LAMB4: variants seen among roughly 807,000 people sequenced by gnomAD.
LAMB4 encodes laminin subunit beta-4.
A neutral mutation model predicts 199.2 loss-of-function variants in LAMB4; 196 were observed. That is an observed-to-expected ratio of 0.98 (90% CI 0.88 to 1.11). The LOEUF is 1.11. LAMB4 is among the 50% of genes least tolerant of loss of function. The pLI is 0.00. For missense variants in LAMB4, 2,080 were observed against 2,171.2 expected (o/e 0.96, Z 0.83); for synonymous variants, 744 against 770.6 (o/e 0.97, Z 0.57).
intron 25 of LAMB4, among the ~76,000 whole-genome samples, chr7:108,054,896 A>T (rs2150531347): frequency 1.3e-5 from 2 of 152,330 alleles, no homozygotes; most frequent in Admixed American, 1.3e-4. Context: ...AGTAAAAATG[A>T]GCTTGCATTT....
At chr7:108,096,767 CAAAAAAA>C (rs1207456579) in intron 11 of LAMB4, among the ~76,000 whole-genome samples, 2 of 67,542 alleles carry the variant, frequency 3.0e-5, no homozygotes, top group Non-Finnish European at 6.5e-5. Flanking sequence ...CTCCGTCTCT[CAAAAAAA>C]AAAAAAAAAA....
intron 14 of LAMB4, among the ~76,000 whole-genome samples, chr7:108,087,064 A>G (rs940819088): frequency 6.6e-6 from 1 of 152,160 alleles, no homozygotes; most frequent in African/African-American, 2.4e-5. Flanking sequence ...AAGAGAAACA[A>G]GTAGGAGAAA....
chr7:108,016,337 G>A, the LAMB4 span, among the ~76,000 whole-genome samples: 1 of 143,042 alleles, frequency 7.0e-6, no homozygotes, highest in South Asian at 2.2e-4. Flanking sequence ...AGGCTGGAGT[G>A]GAGTGCTGCG....
chr7:108,080,294 T>C (rs1337038451), intron 14 of LAMB4, among the ~76,000 whole-genome samples: 1 of 152,182 alleles, frequency 6.6e-6, no homozygotes, highest in Non-Finnish European at 1.5e-5. Flanking sequence ...ACTCCTAACA[T>C]GATTAATTAG....
In LAMB4 at chr7:108,048,063, C is replaced by T. The variant is rs772653037; in HGVS notation, c.4171G>A (p.Gly1391Ser). The T allele has an allele frequency of 1.2e-5, 20 of 1,613,988 alleles. No individual in the cohort carries two copies. The highest frequency in any genetic ancestry group is 2.2e-5 in the East Asian group (1 of 44,898). The change falls in exon 28 of 34, where the codon GGT becomes AGT. Residue 1391 changes from glycine (G) to serine (S), a missense_variant. Coordinates refer to ENST00000388781, the MANE Select transcript of LAMB4 (RefSeq NM_007356.3). Reference sequence around the variant, plus strand: ...CCCTTCCGGCCCGTGCAGAGAGCACCGCCACAGGGCAAGGGCACACATGGC... The same window carrying T: ...CCCTTCCGGCCCGTGCAGAGAGCACTGCCACAGGGCAAGGGCACACATGGC... ...NVPCVPLPCGGALCTGRKGHR... is the reference protein window; with the variant it reads ...NVPCVPLPCGSALCTGRKGHR...
In LAMB4 at chr7:108,028,330, C is replaced by A. The variant is rs573470261; in HGVS notation, c.5146+713G>T. Among the ~76,000 whole-genome samples, 7 of 152,264 alleles carry A rather than the reference C, an allele frequency of 4.6e-5. No homozygotes were observed. The East Asian group carries it at 1.2e-3, about 25-fold the overall frequency. On this transcript the variant is annotated intron_variant, in intron 33 of 33. Transcript: ENST00000388781. ...TGGGCGGGACAATTGTTTGCTTAGG[C>A]AGTTGCCTTGTGCATTGTGGGATTT... is the stretch of plus-strand genomic sequence containing the variant.
chr7:108,115,940 A>T (rs2038389066), intron 3 of LAMB4, 64 bp downstream of exon 3: 1 of 1,537,718 alleles, frequency 6.5e-7, no homozygotes, highest in Non-Finnish European at 8.9e-7. Flanking sequence ...CCCCAGGTGT[A>T]CCTGGAAAAA....
intron 14 of LAMB4, among the ~76,000 whole-genome samples, chr7:108,083,731 T>TAA (rs1404462220): frequency 6.6e-6 from 1 of 152,232 alleles, no homozygotes; most frequent in Admixed American, 6.5e-5. Flanking sequence ...GCTGTGTCCC[T>TAA]AACAGATAGA....
chr7:108,024,208 AT>A (rs749244194), intron 33 of LAMB4, 30 bp from the exon 34 acceptor site: 1 of 1,384,630 alleles, frequency 7.2e-7, no homozygotes, highest in South Asian at 1.3e-5. Flanking sequence ...GAAATGATAT[AT>A]TTCCATTTAA....
rs541366871 is a variant in LAMB4, at chr7:108,116,036, C to T, written c.160G>A (p.Ala54Thr). The T allele has an allele frequency of 6.8e-6, 11 of 1,613,808 alleles. No homozygotes were observed. The highest frequency in any genetic ancestry group is 9.3e-6 in the Non-Finnish European group (11 of 1,179,868). The change falls in exon 3 of 34, where the codon GCC (alanine) becomes ACC (threonine). Residue 54 changes from alanine (A) to threonine (T), a missense_variant. Transcript: ENST00000388781. ...TAACTGAGGATGCAGTATTTCTGGG[C>T]TCTGCTCAGCCCACAGGTAGAAGAA... Reference protein sequence around the residue: ...MASSTCGLSRAQKYCILSYLE... With the variant: ...MASSTCGLSRTQKYCILSYLE...
chr7:108,098,687 A>G (rs1350933319), intron 10 of LAMB4, 105 bp from the exon 11 acceptor site: 2 of 944,632 alleles, frequency 2.1e-6, no homozygotes, highest in Non-Finnish European at 3.0e-6. Context: ...CTTTGTTTAA[A>G]TAATTAAATG....
chr7:108,066,798 G>A (rs2036360583), intron 19 of LAMB4, among the ~76,000 whole-genome samples, 198 bp from the exon 20 acceptor site: 2 of 152,110 alleles, frequency 1.3e-5, no homozygotes, highest in Admixed American at 6.6e-5. Flanking sequence ...TAAACAGTAT[G>A]TTGCGAACAA....
intron 4 of LAMB4, 56 bp downstream of exon 4, chr7:108,111,755 G>T: frequency 6.9e-7 from 1 of 1,445,110 alleles, no homozygotes. Context: ...CAAGGAAGAG[G>T]ATGTCATATT....
chr7:108,076,675 G>A (rs536550128), intron 17 of LAMB4, among the ~76,000 whole-genome samples: 21 of 152,212 alleles, frequency 1.4e-4, no homozygotes, highest in African/African-American at 3.4e-4. Flanking sequence ...CTGTCACAGC[G>A]TCACAGACCA....
At chr7:108,092,972 G>T (rs915863576) in intron 12 of LAMB4, among the ~76,000 whole-genome samples, 2 of 152,104 alleles carry the variant, frequency 1.3e-5, no homozygotes, top group African/African-American at 2.4e-5. Context: ...AAAAGAAATG[G>T]GAGCCTTAAC....
the LAMB4 span, among the ~76,000 whole-genome samples, chr7:108,015,939 T>C: frequency 6.6e-6 from 1 of 152,222 alleles, no homozygotes; most frequent in Admixed American, 6.5e-5. Context: ...GTCTTTTGTT[T>C]TCTTTCAAGC....
intron 3 of LAMB4, among the ~76,000 whole-genome samples, chr7:108,114,670 C>A (rs944622141): frequency 2.0e-5 from 3 of 152,148 alleles, no homozygotes; most frequent in Non-Finnish European, 2.9e-5. Context: ...AAGCATTTCC[C>A]AGAGACTTAA....
In LAMB4 at chr7:108,043,838, T is replaced by C. The variant is rs1451178814; in HGVS notation, c.4385A>G (p.Glu1462Gly). 4.3e-6 allele frequency: 7 copies of C among 1,610,162 alleles called. No individual in the cohort carries two copies. Among genetic ancestry groups the C allele is most frequent in the East Asian group, 4.5e-5 (2 of 44,632 alleles). The change falls in exon 29 of 34, where the codon GAA becomes GGA. Residue 1462 changes from glutamate (E) to glycine (G), a missense_variant. Glu to Gly is a moderately conservative substitution (Grantham distance 98, BLOSUM62 -2). Transcript: ENST00000388781. ...TTGGTTTCTTATATTTCCCAGTTTT[T>C]CCCTCAGCTGTAAGGCATTGTTTTT... ...VSKNNALQLR[E>G]KLGNIRNQSD...
In LAMB4 at chr7:108,070,023, A is replaced by G. The variant is rs974431977; in HGVS notation, c.2125-138T>C. The G allele has an allele frequency of 1.9e-5, 9 of 462,002 alleles. No homozygotes were observed. In the Admixed American group the frequency reaches 3.6e-4, roughly 19 times the overall value. 28.6% of individuals were successfully genotyped at this position (462,002 alleles called of 1,614,324 possible). On this transcript the variant is annotated intron_variant, in intron 17 of 33. Transcript: ENST00000388781. ...CAATCCTTTAAACTGGTTAAGACTG[A>G]AGACTTTAAAGATTTTCAATTTATT...
Sources: allele counts gnomAD v4.1 joint callset (sites outside exome capture counted in the v4.1 genomes callset), GRCh38; gene constraint gnomAD v4.1.1; transcripts MANE v1.5; gene names NCBI Gene and HGNC (gene_info 2026-07-23, HGNC 2026-07-21).